Variants in FGF14 observed in about 807,000 individuals in gnomAD.
The protein encoded by FGF14 is fibroblast growth factor 14, also known as fibroblast growth factor homologous factor 4.
Under a neutral mutation model 25.5 loss-of-function variants are expected in FGF14, and 5 were observed. That is an observed-to-expected ratio of 0.20 (90% confidence interval 0.10 to 0.41). The LOEUF is 0.41. Ranked by LOEUF, FGF14 falls within the 10% of genes least tolerant of loss-of-function variation. The probability of loss-of-function intolerance (pLI) is 1.00; values close to 1 mark genes in which losing one functional copy is unlikely to be tolerated. For synonymous variants in FGF14, 138 were observed against 118.3 expected, an observed-to-expected ratio of 1.17 and a Z score of -1.08; for missense variants, 222 against 320.1, an observed-to-expected ratio of 0.69 and a Z score of 2.34.
At chr13:102,073,221 C>A (rs2043221405) in intron 1 of FGF14, among the ~76,000 whole-genome samples, 1 of 152,106 alleles carries the variant, frequency 6.6e-6, no homozygotes. Flanking sequence ...CACTGCACTC[C>A]AGTCTGGGTG....
At chr13:102,054,156 G>C (rs1307701031) in intron 1 of FGF14, among the ~76,000 whole-genome samples, 1 of 152,190 alleles carries the variant, frequency 6.6e-6, no homozygotes, top group African/African-American at 2.4e-5. Context: ...CATCACTGAT[G>C]TGAGAGAATA....
intron 1 of FGF14, among the ~76,000 whole-genome samples, chr13:102,110,561 T>G (rs890929517): frequency 6.6e-6 from 1 of 152,112 alleles, no homozygotes; most frequent in Non-Finnish European, 1.5e-5. Flanking sequence ...ATTGAAGAGT[T>G]CCAACAGAAC....
chr13:101,895,825 C>T lies in FGF14; in HGVS notation c.194-20529G>A, dbSNP rs891212913. The stretch of plus-strand genomic sequence containing the variant: ...AACAAAAATGCTCCAGTGATTCTCA[C>T]GTATTTTTTTTACGTAAGTACTTTC... On this transcript the variant is annotated intron_variant, in intron 1 of 4. Transcript: ENST00000376143. Among the ~76,000 whole-genome samples the T allele has an allele frequency of 7.9e-5, 12 of 152,094 alleles. No homozygotes were observed. The South Asian group carries it at 8.3e-4, about 10-fold the overall frequency.
At chr13:102,225,407 G>C (rs942371676) in intron 1 of FGF14, among the ~76,000 whole-genome samples, 1 of 152,042 alleles carries the variant, frequency 6.6e-6, no homozygotes, top group African/African-American at 2.4e-5. Flanking sequence ...CTAGCCCTCC[G>C]GACAGGCTAA....
intron 1 of FGF14, among the ~76,000 whole-genome samples, chr13:102,128,624 C>A (rs953836760): frequency 6.6e-6 from 1 of 152,118 alleles, no homozygotes; most frequent in African/African-American, 2.4e-5. Context: ...TCTAGAGTCA[C>A]TGAAAACAGA....
intron 1 of FGF14, among the ~76,000 whole-genome samples, chr13:102,008,311 A>C (rs2039908459): frequency 6.6e-6 from 1 of 152,150 alleles, no homozygotes; most frequent in Admixed American, 6.5e-5. Context: ...ATTTCTTATT[A>C]TTTCCCATGT....
intron 1 of FGF14, among the ~76,000 whole-genome samples, chr13:102,138,622 T>G (rs2046506911): frequency 6.7e-6 from 1 of 149,150 alleles, no homozygotes; most frequent in South Asian, 2.2e-4. Context: ...GGAGAGGCAG[T>G]GTGGTGAGGT....
At chr13:102,083,808 C>T (rs2043756424) in intron 1 of FGF14, among the ~76,000 whole-genome samples, 1 of 152,218 alleles carries the variant, frequency 6.6e-6, no homozygotes. Context: ...CTCATTGACT[C>T]AGAATAAACT....
chr13:101,788,137 T>G lies in FGF14; in HGVS notation c.409-61327A>C, dbSNP rs537749336. ...ATCCACCTGCCTCAGCCTCCCAAAG[T>G]CTGGGATGACAGGCGTGAGCCACCA... On this transcript the variant is annotated intron_variant, in intron 3 of 4. Transcript: ENST00000376143. Among the ~76,000 whole-genome samples the G allele has an allele frequency of 2.0e-5, 3 of 152,240 alleles. No individual in the cohort carries two copies. In the South Asian group the frequency reaches 6.2e-4, roughly 32 times the overall value.
At chr13:101,828,993 T>A (rs2042541845) in intron 3 of FGF14, among the ~76,000 whole-genome samples, 1 of 152,116 alleles carries the variant, frequency 6.6e-6, no homozygotes, top group Non-Finnish European at 1.5e-5. Flanking sequence ...AATTCATTTG[T>A]GGTTTCTGCC....
At chr13:101,841,241 G>C (rs2140318007) in intron 3 of FGF14, among the ~76,000 whole-genome samples, 1 of 151,958 alleles carries the variant, frequency 6.6e-6, no homozygotes, top group East Asian at 1.9e-4. Context: ...ATTGCATTAT[G>C]TTATCCACCC....
intron 3 of FGF14, among the ~76,000 whole-genome samples, chr13:101,775,697 C>A (rs572248171): frequency 1.3e-5 from 2 of 151,970 alleles, no homozygotes; most frequent in East Asian, 3.9e-4. Context: ...TGTAATGATG[C>A]CTAAAGGATT....
chr13:101,854,856 C>A (rs983092719), intron 3 of FGF14, among the ~76,000 whole-genome samples: 1 of 152,122 alleles, frequency 6.6e-6, no homozygotes, highest in Non-Finnish European at 1.5e-5. Context: ...ATAGATCTTA[C>A]ACAATAGCCC....
intron 1 of FGF14, among the ~76,000 whole-genome samples, chr13:102,132,129 A>C (rs941991422): frequency 2.6e-5 from 4 of 152,134 alleles, no homozygotes; most frequent in African/African-American, 9.7e-5. Flanking sequence ...AATGTTTTCC[A>C]TGGTCTCCTA....
At chr13:101,984,687 C>CAAT (rs1175670931) in intron 1 of FGF14, among the ~76,000 whole-genome samples, 2 of 152,040 alleles carry the variant, frequency 1.3e-5, no homozygotes, top group African/African-American at 4.8e-5. Flanking sequence ...TAGGAGTAGC[C>CAAT]TATTTAGGAG....
At chr13:102,044,205 G>A (rs1249549198) in intron 1 of FGF14, among the ~76,000 whole-genome samples, 2 of 152,128 alleles carry the variant, frequency 1.3e-5, no homozygotes, top group East Asian at 3.9e-4. Flanking sequence ...ACTCCATAGG[G>A]AGCTGCAGTT....
intron 3 of FGF14, among the ~76,000 whole-genome samples, chr13:101,762,274 ACAC>A: frequency 6.6e-6 from 1 of 152,218 alleles, no homozygotes; most frequent in Non-Finnish European, 1.5e-5. Flanking sequence ...AAATAGCAAG[ACAC>A]AAATATGAAA....
In FGF14 at chr13:101,715,163, C is replaced by T. The variant is rs1369054129; in HGVS notation, c.*7668G>A. The T allele has an allele frequency of 1.7e-5, 3 of 171,818 alleles. No individual in the cohort carries two copies. Among genetic ancestry groups the T allele is most frequent in the Non-Finnish European group, 3.7e-5 (3 of 80,488 alleles). 10.6% of individuals were successfully genotyped at this position (171,818 alleles called of 1,614,324 possible). On this transcript the variant is annotated 3_prime_UTR_variant, in exon 5 of 5. Transcript: ENST00000376143. The stretch of plus-strand genomic sequence containing the variant: ...TGTCATTAAGTTAGACCTTTGCTTT[C>T]TGCCCATCCTTACTACGTAAGACTC...
intron 3 of FGF14, among the ~76,000 whole-genome samples, chr13:101,821,113 T>C (rs1027698571): frequency 2.0e-5 from 3 of 151,364 alleles, no homozygotes; most frequent in African/African-American, 7.3e-5. Context: ...CACGCCGGGC[T>C]AATTTTTTGT....
Sources: gnomAD v4.1 joint callset for allele counts (sites outside exome capture counted in the v4.1 genomes callset) on GRCh38, gnomAD v4.1.1 for gene constraint, MANE v1.5 for transcripts, NCBI Gene and HGNC (gene_info 2026-07-23, HGNC 2026-07-21) for gene names.